The following SLC25A21 variants were observed in gnomAD, a reference collection of about 807,000 sequenced individuals.
The protein encoded by SLC25A21 is mitochondrial 2-oxodicarboxylate carrier.
SLC25A21 carries 47 observed loss-of-function variants against 43.8 expected under a neutral mutation model. The ratio of observed to expected loss-of-function variants is 1.07; its 90% CI spans 0.85 to 1.37. The LOEUF is 1.37. SLC25A21 is among the 40% of genes most tolerant of loss of function. SLC25A21 has a pLI of 0.00. For missense variants in SLC25A21, 352 were observed against 350.2 expected, an observed-to-expected ratio of 1.00 and a Z score of -0.04; for synonymous variants, 131 against 121.3, an observed-to-expected ratio of 1.08 and a Z score of -0.52.
chr14:37,171,975 C>A, intron 1 of SLC25A21: 1 of 404,362 alleles, frequency 2.5e-6, no homozygotes, highest in Admixed American at 4.0e-5. Flanking sequence ...GCAAAAAGAC[C>A]GCCTCAAAGT....
intron 1 of SLC25A21, among the ~76,000 whole-genome samples, chr14:37,112,282 C>T (rs757370501): frequency 6.6e-6 from 1 of 152,070 alleles, no homozygotes; most frequent in African/African-American, 2.4e-5. Flanking sequence ...ACACGGACCA[C>T]TGGAGAACAC....
At chr14:37,118,937 C>T (rs1963155127) in intron 1 of SLC25A21, among the ~76,000 whole-genome samples, 1 of 152,066 alleles carries the variant, frequency 6.6e-6, no homozygotes, top group African/African-American at 2.4e-5. Context: ...GGATGAGATA[C>T]AAGCTTAGCA....
chr14:36,727,314 G>A (rs1884640658), intron 5 of SLC25A21, among the ~76,000 whole-genome samples: 1 of 152,196 alleles, frequency 6.6e-6, no homozygotes, highest in Non-Finnish European at 1.5e-5. Context: ...TGCTTATAAA[G>A]TTATTTTAAG....
intron 1 of SLC25A21, among the ~76,000 whole-genome samples, chr14:37,160,739 G>A (rs897065001): frequency 4.6e-5 from 7 of 151,960 alleles, no homozygotes; most frequent in African/African-American, 1.5e-4. Context: ...AGACCAGCCT[G>A]GCCAACATGG....
intron 1 of SLC25A21, among the ~76,000 whole-genome samples, chr14:36,937,397 A>G (rs555676017): frequency 1.3e-5 from 2 of 152,206 alleles, no homozygotes; most frequent in Non-Finnish European, 2.9e-5. Context: ...ACGCTTAACC[A>G]TATTCAAACG....
intron 2 of SLC25A21, among the ~76,000 whole-genome samples, chr14:36,854,934 G>T (rs1008990582): frequency 2.1e-4 from 12 of 56,766 alleles, no homozygotes; most frequent in African/African-American, 8.8e-4. Context: ...GGCATGAGGT[G>T]GGGGGGGGTA....
At chr14:36,919,241 C>G (rs1891911730) in intron 1 of SLC25A21, among the ~76,000 whole-genome samples, 1 of 152,072 alleles carries the variant, frequency 6.6e-6, no homozygotes, top group African/African-American at 2.4e-5. Context: ...ATTTAAACAG[C>G]TATTTCCATA....
chr14:36,702,540 C>T (rs1041988642), intron 7 of SLC25A21, among the ~76,000 whole-genome samples: 3 of 151,160 alleles, frequency 2.0e-5, no homozygotes, highest in Admixed American at 2.0e-4. Context: ...CTTCCCTACA[C>T]CATCTCCCTG....
At chr14:36,789,220 T>C (rs539285287) in intron 3 of SLC25A21, among the ~76,000 whole-genome samples, 1 of 152,292 alleles carries the variant, frequency 6.6e-6, no homozygotes, top group African/African-American at 2.4e-5. Context: ...ACTACGATAA[T>C]TTCTCATAAA....
intron 4 of SLC25A21, 23 bp downstream of exon 4, chr14:36,734,484 G>T (rs944733032): frequency 6.3e-7 from 1 of 1,592,274 alleles, no homozygotes; most frequent in Non-Finnish European, 8.6e-7. Context: ...CTTTTGCTTG[G>T]TGCGAACGCA....
chr14:36,805,281 GTGT>G (rs1314937173), intron 3 of SLC25A21, among the ~76,000 whole-genome samples: 1 of 152,216 alleles, frequency 6.6e-6, no homozygotes, highest in Non-Finnish European at 1.5e-5. Flanking sequence ...AAGTCGGAAA[GTGT>G]TGTGAGAGAG....
At chr14:36,976,543 A>C (rs548001525) in intron 1 of SLC25A21, among the ~76,000 whole-genome samples, 108 of 152,194 alleles carry the variant, frequency 7.1e-4, no homozygotes, top group African/African-American at 2.4e-3. Context: ...GTAGATAAAA[A>C]AAAACAAAAC....
At chr14:36,891,485 A>G (rs769191490) in intron 1 of SLC25A21, among the ~76,000 whole-genome samples, 10 of 152,166 alleles carry the variant, frequency 6.6e-5, no homozygotes, top group Non-Finnish European at 1.3e-4. Flanking sequence ...TGATTTCTTC[A>G]TGTGCTGCTT....
At chr14:36,858,525 T>C (rs1273345600) in intron 2 of SLC25A21, among the ~76,000 whole-genome samples, 1 of 152,230 alleles carries the variant, frequency 6.6e-6, no homozygotes, top group African/African-American at 2.4e-5. Context: ...CTATCGTCTA[T>C]GACCCATTTT....
intron 1 of SLC25A21, among the ~76,000 whole-genome samples, chr14:37,155,624 T>G (rs933282478): frequency 6.6e-6 from 1 of 152,116 alleles, no homozygotes; most frequent in Non-Finnish European, 1.5e-5. Flanking sequence ...CAGAAGAGAA[T>G]GGCATGATAT....
At position 37,076,220 on chromosome 14, in the gene SLC25A21, G is replaced by A. The variant is rs559096079; in HGVS notation, c.70+96061C>T. Among the ~76,000 whole-genome samples the A allele has an allele frequency of 3.3e-4, 50 of 151,224 alleles. 1 individual carries two copies. In the South Asian group the frequency reaches 9.8e-3, roughly 30 times the overall value. ...CTGTTACCCAGGCTGGAGAGCAGTGGAGCAATCTCAGCTCACTGCAACCTC... is the reference window on the plus strand; with the variant it reads ...CTGTTACCCAGGCTGGAGAGCAGTGAAGCAATCTCAGCTCACTGCAACCTC... On this transcript the variant is annotated intron_variant, in intron 1 of 9. Transcript: ENST00000331299.
At chr14:36,756,017 G>C (rs555113039) in intron 3 of SLC25A21, among the ~76,000 whole-genome samples, 1 of 152,298 alleles carries the variant, frequency 6.6e-6, no homozygotes, top group East Asian at 1.9e-4. Context: ...CCAGAATTTG[G>C]CTTGATTTCT....
At chr14:36,972,947 C>T (rs7147037) in intron 1 of SLC25A21, among the ~76,000 whole-genome samples, 15,582 of 152,078 alleles carry the variant, frequency 0.1, 2,176 homozygotes, top group African/African-American at 0.31. Flanking sequence ...ATCCTCCCAT[C>T]TTAACCTCCC....
chr14:37,157,237 T>C (rs1963867118), intron 1 of SLC25A21, among the ~76,000 whole-genome samples: 1 of 152,078 alleles, frequency 6.6e-6, no homozygotes, highest in South Asian at 2.1e-4. Context: ...GGTGCATGCC[T>C]GTAATCCCAG....
Sources: allele counts gnomAD v4.1 joint callset (sites outside exome capture counted in the v4.1 genomes callset), GRCh38; gene constraint gnomAD v4.1.1; transcripts MANE v1.5; gene names NCBI Gene and HGNC (gene_info 2026-07-23, HGNC 2026-07-21).